MAPK8: variants seen among roughly 807,000 people sequenced by gnomAD.
MAPK8 encodes mitogen-activated protein kinase 8, also known as JUN N-terminal kinase.
Under a neutral mutation model 52.9 loss-of-function variants are expected in MAPK8, and 13 were observed. That is an observed-to-expected ratio of 0.25 (90% CI 0.16 to 0.39). MAPK8 has a LOEUF of 0.39. Among genes scored for constraint, MAPK8 ranks in the 10% least tolerant of loss-of-function variants. The probability of loss-of-function intolerance (pLI) is 1.00; values close to 1 mark genes in which losing one functional copy is unlikely to be tolerated. For synonymous variants in MAPK8, 191 were observed against 169.8 expected (o/e 1.12, Z -0.97); for missense variants, 300 against 519.2 (o/e 0.58, Z 4.10).
At chr10:48,348,239 G>GT (rs1356652798) in intron 1 of MAPK8, among the ~76,000 whole-genome samples, 1 of 152,058 alleles carries the variant, frequency 6.6e-6, no homozygotes, top group African/African-American at 2.4e-5. Context: ...TGATGGGGTT[G>GT]TTTTTTCTTG....
intron 1 of MAPK8, among the ~76,000 whole-genome samples, chr10:48,385,467 C>T (rs1320352917): frequency 6.6e-6 from 1 of 152,146 alleles, no homozygotes; most frequent in African/African-American, 2.4e-5. Flanking sequence ...TGTTATTGAA[C>T]CACTCCAGAA....
intron 1 of MAPK8, among the ~76,000 whole-genome samples, chr10:48,349,356 T>G (rs935420704): frequency 6.6e-6 from 1 of 152,134 alleles, no homozygotes; most frequent in African/African-American, 2.4e-5. Flanking sequence ...TATTCTAAAA[T>G]TGACCACATA....
chr10:48,438,475 TAAG>T lies in MAPK8; in HGVS notation c.*3447_*3449del, dbSNP rs753901217. The T allele has an allele frequency of 1.5e-4, 23 of 152,228 alleles. No homozygotes were observed. The highest frequency in any genetic ancestry group is 2.6e-4 in the Non-Finnish European group (18 of 68,026). The allele number at this position is 152,228 out of a possible 1,614,324, so 9.4% of individuals were successfully genotyped here. ...CTGACTGCTCTTCGTTAAGTGCTCT[TAAG>T]GAGAGTCTAGTAACAGTAACACTTT... On this transcript the variant is annotated 3_prime_UTR_variant, in exon 12 of 12. Transcript: ENST00000374189.
chr10:48,384,299 AT>A (rs1033785983), intron 1 of MAPK8, among the ~76,000 whole-genome samples: 1 of 152,200 alleles, frequency 6.6e-6, no homozygotes, highest in African/African-American at 2.4e-5. Flanking sequence ...CCAAAGACTT[AT>A]GTAAATGTAA....
intron 1 of MAPK8, among the ~76,000 whole-genome samples, chr10:48,374,012 A>G (rs1240178439): frequency 2.0e-5 from 3 of 152,208 alleles, no homozygotes; most frequent in African/African-American, 7.2e-5. Context: ...AACACTCCTC[A>G]GTAAATGCAA....
chr10:48,318,347 T>G (rs1387362040), intron 1 of MAPK8, among the ~76,000 whole-genome samples: 1 of 152,206 alleles, frequency 6.6e-6, no homozygotes, highest in African/African-American at 2.4e-5. Context: ...ACTACATTAG[T>G]GTTTGAATAA....
intron 1 of MAPK8, among the ~76,000 whole-genome samples, chr10:48,335,910 G>A (rs1157851919): frequency 6.6e-6 from 1 of 152,040 alleles, no homozygotes; most frequent in East Asian, 1.9e-4. Flanking sequence ...TGTCTATCTT[G>A]CGTTTTAAAT....
At chr10:48,330,291 C>T (rs1020265407) in intron 1 of MAPK8, among the ~76,000 whole-genome samples, 4 of 152,126 alleles carry the variant, frequency 2.6e-5, no homozygotes, top group Non-Finnish European at 5.9e-5. Flanking sequence ...CTTTATTTAA[C>T]AGGAAGGAGT....
chr10:48,349,585 A>G (rs1463837436), intron 1 of MAPK8, among the ~76,000 whole-genome samples: 2 of 152,252 alleles, frequency 1.3e-5, no homozygotes, highest in Non-Finnish European at 2.9e-5. Context: ...GAACAAAGAC[A>G]CAATGTATCA....
intron 1 of MAPK8, among the ~76,000 whole-genome samples, chr10:48,380,228 C>T (rs577566712): frequency 5.3e-5 from 8 of 152,046 alleles, no homozygotes; most frequent in African/African-American, 1.2e-4. Flanking sequence ...GGCAACAGAG[C>T]GAGACTCCGT....
At position 48,401,909 on chromosome 10, in the gene MAPK8, C is replaced by T. The variant is rs146510962; in HGVS notation, c.122+127C>T. 1.9e-4 allele frequency: 133 copies of T among 699,816 alleles called. No homozygotes were observed. The African/African-American group carries it at 1.9e-3, about 10-fold the overall frequency. The allele number at this position is 699,816 out of a possible 1,614,324, so 43.4% of individuals were successfully genotyped here. A position where few individuals can be genotyped will look rare whatever the true frequency, so the allele number is the denominator to read the frequency against. On this transcript the variant is annotated intron_variant, in intron 2 of 11. Transcript: ENST00000374189. ...AATTAAATTAAAACTAAAAATTAAA[C>T]GAAAACTATTCCACAGTAAATTGTT...
At chr10:48,393,328 A>G (rs1589166042) in intron 1 of MAPK8, among the ~76,000 whole-genome samples, 2 of 152,238 alleles carry the variant, frequency 1.3e-5, no homozygotes, top group Non-Finnish European at 2.9e-5. Context: ...CTCTTCCTCC[A>G]TATTCTCTTT....
intron 6 of MAPK8, among the ~76,000 whole-genome samples, chr10:48,423,339 G>T (rs1381318850): frequency 6.6e-6 from 1 of 152,162 alleles, no homozygotes; most frequent in East Asian, 1.9e-4. Flanking sequence ...AACTTCTTAA[G>T]CCAAAAGCAG....
At chr10:48,403,917 TTGTGTG>T (rs71465463) in intron 2 of MAPK8, among the ~76,000 whole-genome samples, 251 of 125,746 alleles carry the variant, frequency 2.0e-3, no homozygotes, top group East Asian at 7.2e-3. Flanking sequence ...CCCGGCTAAT[TTGTGTG>T]TGTGTGTGTG....
At chr10:48,425,849 ATTAG>A (rs779611541) in intron 7 of MAPK8, 35 bp from the exon 8 acceptor site, 2 of 1,290,924 alleles carry the variant, frequency 1.5e-6, no homozygotes, top group South Asian at 2.8e-5. Context: ...TGTATTGAAC[ATTAG>A]TTATGGAGTA....
chr10:48,320,211 CTTTTTTTTTTTTTTTTTTTTTT>C (rs71026206), intron 1 of MAPK8, among the ~76,000 whole-genome samples: 2 of 35,320 alleles, frequency 5.7e-5, no homozygotes, highest in South Asian at 1.3e-3. Flanking sequence ...ACTGCTCGGC[CTTTTTTTTTTTTTTTTTTTTTT>C]TTTTTTTTTT....
chr10:48,371,461 T>C (rs1415305289), intron 1 of MAPK8, among the ~76,000 whole-genome samples: 1 of 152,008 alleles, frequency 6.6e-6, no homozygotes, highest in Non-Finnish European at 1.5e-5. Flanking sequence ...TATTCAAGGA[T>C]TTTTTTCCCC....
intron 1 of MAPK8, among the ~76,000 whole-genome samples, chr10:48,375,488 A>T (rs1284778697): frequency 1.7e-4 from 8 of 47,256 alleles, no homozygotes; most frequent in African/African-American, 7.7e-4. Context: ...TATTTAAAAA[A>T]ACCCCATTGT....
chr10:48,394,019 T>C (rs1202572579), intron 1 of MAPK8, among the ~76,000 whole-genome samples: 1 of 151,922 alleles, frequency 6.6e-6, no homozygotes, highest in Non-Finnish European at 1.5e-5. Context: ...AGACATTAAA[T>C]TGGACAACTT....
Sources: allele counts gnomAD v4.1 joint callset (sites outside exome capture counted in the v4.1 genomes callset), GRCh38; gene constraint gnomAD v4.1.1; transcripts MANE v1.5; gene names NCBI Gene and HGNC (gene_info 2026-07-23, HGNC 2026-07-21).